The following GALNTL6 variants were observed in gnomAD, a reference collection of about 807,000 sequenced individuals.
The protein encoded by GALNTL6 is polypeptide N-acetylgalactosaminyltransferase-like 6.
GALNTL6 carries 46 observed loss-of-function variants against 73.7 expected under a neutral mutation model. The observed-to-expected ratio is 0.62, with a 90% CI of 0.49 to 0.80. GALNTL6 has a LOEUF of 0.80. Ranked by LOEUF, GALNTL6 falls within the 30% of genes least tolerant of loss-of-function variation. The pLI, the probability that GALNTL6 is intolerant of heterozygous loss-of-function variation, is 0.00. For synonymous variants in GALNTL6, 259 were observed against 263.7 expected (o/e 0.98, Z 0.17); for missense variants, 604 against 755.0 (o/e 0.80, Z 2.34).
intron 4 of GALNTL6, among the ~76,000 whole-genome samples, chr4:172,336,403 C>T (rs961925483): frequency 2.0e-5 from 3 of 150,288 alleles, no homozygotes; most frequent in Admixed American, 2.0e-4. Context: ...TCCTGACTAG[C>T]TGGGATTACA....
At chr4:172,236,652 C>G (rs1325570873) in intron 3 of GALNTL6, among the ~76,000 whole-genome samples, 1 of 151,268 alleles carries the variant, frequency 6.6e-6, no homozygotes, top group East Asian at 1.9e-4. Flanking sequence ...CATTACATTT[C>G]TGTTTCGTTC....
chr4:172,883,013 A>C, intron 8 of GALNTL6, 106 bp downstream of exon 8: 1 of 646,542 alleles, frequency 1.5e-6, no homozygotes, highest in Non-Finnish European at 2.8e-6. Context: ...ACTTAATGGT[A>C]ATAGATGTAT....
intron 2 of GALNTL6, among the ~76,000 whole-genome samples, chr4:171,863,800 C>G (rs1007713599): frequency 2.2e-4 from 33 of 152,112 alleles, no homozygotes; most frequent in African/African-American, 8.0e-4. Flanking sequence ...TCTTGTCGCC[C>G]AAGCTGCAGT....
At chr4:172,131,891 G>A (rs1209992140) in intron 2 of GALNTL6, among the ~76,000 whole-genome samples, 1 of 151,938 alleles carries the variant, frequency 6.6e-6, no homozygotes, top group Non-Finnish European at 1.5e-5. Flanking sequence ...TATTATGACT[G>A]ATGGATAAGT....
chr4:172,979,793 G>T (rs1750989866), intron 10 of GALNTL6, among the ~76,000 whole-genome samples: 1 of 152,158 alleles, frequency 6.6e-6, no homozygotes, highest in Admixed American at 6.5e-5. Context: ...AGTTTCTCAA[G>T]AAGACAGCAT....
rs1319228539 is a variant in GALNTL6, at chr4:172,475,740, TGA to T, written c.553+127052_553+127053del. On this transcript the variant is annotated intron_variant, in intron 5 of 12. Coordinates refer to ENST00000506823, the MANE Select transcript of GALNTL6 (RefSeq NM_001034845.3). ...AGTTTAGAATACAGTCAGCCATTAG[TGA>T]AATGTAGAGCATGATCAGCCTTTAG... Among the ~76,000 whole-genome samples the T allele has an allele frequency of 5.3e-5, 8 of 152,310 alleles. No homozygotes were observed. The East Asian group carries it at 1.5e-3, about 29-fold the overall frequency.
intron 2 of GALNTL6, among the ~76,000 whole-genome samples, chr4:171,923,457 A>T (rs1193268095): frequency 7.1e-6 from 1 of 141,354 alleles, no homozygotes; most frequent in Non-Finnish European, 1.5e-5. Context: ...CAGTGCAGTG[A>T]TGTGATCTCG....
chr4:172,140,614 G>T (rs1733775325), intron 2 of GALNTL6, among the ~76,000 whole-genome samples: 1 of 151,948 alleles, frequency 6.6e-6, no homozygotes, highest in Non-Finnish European at 1.5e-5. Context: ...ATACAGTATA[G>T]GATTTAAGGA....
At chr4:172,264,627 ATATAT>A (rs1249266396) in intron 3 of GALNTL6, among the ~76,000 whole-genome samples, 1 of 140,330 alleles carries the variant, frequency 7.1e-6, no homozygotes, top group Admixed American at 7.3e-5. Context: ...TATATTTGGC[ATATAT>A]TATATGTGTA....
chr4:172,872,288 C>G (rs755374135), intron 7 of GALNTL6, among the ~76,000 whole-genome samples: 1 of 152,156 alleles, frequency 6.6e-6, no homozygotes, highest in Non-Finnish European at 1.5e-5. Flanking sequence ...TTTTTTTCCT[C>G]AGATTATTTT....
chr4:171,891,428 T>C (rs1257058621), intron 2 of GALNTL6, among the ~76,000 whole-genome samples: 1 of 152,182 alleles, frequency 6.6e-6, no homozygotes, highest in African/African-American at 2.4e-5. Flanking sequence ...ATTAAGCATT[T>C]TAAAATTATT....
intron 2 of GALNTL6, among the ~76,000 whole-genome samples, chr4:172,154,369 A>C (rs1417393827): frequency 6.6e-6 from 1 of 151,982 alleles, no homozygotes; most frequent in African/African-American, 2.4e-5. Flanking sequence ...AGTAGCTGGG[A>C]CTACAGGCAT....
intron 2 of GALNTL6, among the ~76,000 whole-genome samples, chr4:172,165,885 A>G (rs1410665216): frequency 2.0e-5 from 3 of 152,182 alleles, no homozygotes; most frequent in Non-Finnish European, 4.4e-5. Flanking sequence ...ATGCAACTGC[A>G]GGTAGATCAG....
chr4:173,004,347 G>A lies in GALNTL6; in HGVS notation c.1372-4831G>A, dbSNP rs554301724. ...TTCTAAAATCAACTATAGTCCAGAG[G>A]TTGGGCAGAGTGGCTCACGCCTATA... On this transcript the variant is annotated intron_variant, in intron 10 of 12. Coordinates refer to ENST00000506823, the MANE Select transcript of GALNTL6 (RefSeq NM_001034845.3). Among the ~76,000 whole-genome samples the A allele has an allele frequency of 8.5e-5, 13 of 152,292 alleles. No individual in the cohort carries two copies. In the South Asian group the frequency reaches 2.5e-3, roughly 29 times the overall value.
intron 5 of GALNTL6, among the ~76,000 whole-genome samples, chr4:172,598,875 A>G (rs1737954351): frequency 6.6e-6 from 1 of 152,170 alleles, no homozygotes; most frequent in African/African-American, 2.4e-5. Flanking sequence ...AATATTTCAA[A>G]TTGTTCTTTA....
At chr4:172,925,087 T>C (rs1747983590) in intron 8 of GALNTL6, among the ~76,000 whole-genome samples, 1 of 151,898 alleles carries the variant, frequency 6.6e-6, no homozygotes, top group Admixed American at 6.5e-5. Context: ...TTAGCCAGGA[T>C]GGTCTCAATC....
chr4:172,119,206 G>A (rs766678737), intron 2 of GALNTL6, among the ~76,000 whole-genome samples: 7 of 152,082 alleles, frequency 4.6e-5, no homozygotes, highest in South Asian at 2.1e-4. Flanking sequence ...TTTTTATTGC[G>A]CATTCATGGC....
chr4:172,206,814 G>GTTTTTTTTTTTTTTTTTTTTTTTTTTTT (rs796625697), intron 2 of GALNTL6, among the ~76,000 whole-genome samples: 1 of 57,964 alleles, frequency 1.7e-5, no homozygotes, highest in African/African-American at 5.0e-5. Context: ...TGTTTTTTTT[G>GTTTTTTTTTTTTTTTTTTTTTTTTTTTT]TTTGTTTTTT....
At chr4:171,975,268 C>T (rs1450446341) in intron 2 of GALNTL6, among the ~76,000 whole-genome samples, 1 of 151,984 alleles carries the variant, frequency 6.6e-6, no homozygotes, top group Non-Finnish European at 1.5e-5. Flanking sequence ...AAATTAGCAC[C>T]CAGGATATCT....
Sources: gnomAD v4.1 joint callset for allele counts (sites outside exome capture counted in the v4.1 genomes callset) on GRCh38, gnomAD v4.1.1 for gene constraint, MANE v1.5 for transcripts, NCBI Gene and HGNC (gene_info 2026-07-23, HGNC 2026-07-21) for gene names.